Variants in NT5C observed in about 807,000 individuals in gnomAD.
NT5C encodes 5'(3')-deoxyribonucleotidase, cytosolic type.
In NT5C, 14 loss-of-function variants were observed where a neutral mutation model predicts 17.6. The ratio of observed to expected loss-of-function variants is 0.79; its 90% confidence interval spans 0.52 to 1.24. The LOEUF (loss-of-function observed/expected upper bound fraction) is 1.24, where lower values mean the gene tolerates loss of function less well. Ranked by LOEUF, NT5C falls within the 50% of genes most tolerant of loss-of-function variation. The probability of loss-of-function intolerance (pLI) is 0.00; values close to 1 mark genes in which losing one functional copy is unlikely to be tolerated. For missense variants in NT5C, 328 were observed against 278.3 expected (o/e 1.18, Z -1.27); for synonymous variants, 153 against 119.2 (o/e 1.28, Z -1.85).
In NT5C at chr17:75,131,625, C is replaced by T. The variant is rs763024369; in HGVS notation, c.83G>A (p.Arg28His). The change falls in exon 1 of 5, where the codon CGC becomes CAC. Residue 28 changes from arginine to histidine, a missense_variant. Coordinates refer to ENST00000245552, the MANE Select transcript of NT5C (RefSeq NM_014595.3). ...FEAGLLRGFR[R>H]RFPEEPHVPL... is the part of the protein sequence containing the mutation. Reference sequence around the variant, plus strand: ...CACGTGCGGCTCCTCAGGGAAGCGGCGGCGGAAGCCCCGCAGGAGGCCGGC... The same window carrying T: ...CACGTGCGGCTCCTCAGGGAAGCGGTGGCGGAAGCCCCGCAGGAGGCCGGC... 1 of 1,376,122 alleles carries T rather than the reference C, an allele frequency of 7.3e-7. No homozygotes were observed. Among genetic ancestry groups the T allele is most frequent in the Non-Finnish European group, 9.3e-7 (1 of 1,069,618 alleles). 85.2% of individuals were successfully genotyped at this position (1,376,122 alleles called of 1,614,324 possible).
In NT5C at chr17:75,130,595, G is replaced by A; in HGVS notation, c.499C>T (p.His167Tyr). 6.2e-7 allele frequency: 1 copy of A among 1,614,180 alleles called. No homozygotes were observed. The highest frequency in any genetic ancestry group is 8.5e-7 in the Non-Finnish European group (1 of 1,180,042). The change falls in exon 5 of 5, where the codon CAC (histidine) becomes TAC (tyrosine). Residue 167 changes from histidine (H) to tyrosine (Y), a missense_variant. Coordinates refer to ENST00000245552, the MANE Select transcript of NT5C (RefSeq NM_014595.3). ...GGGGGCAGGACCAGGTGCCGATTGT[G>A]GCAGCAGGTGAACAAGATGTGCTCC... Reference protein sequence around the residue: ...SWEHILFTCCHNRHLVLPPTR... With the variant: ...SWEHILFTCCYNRHLVLPPTR...
rs570265066 is a variant in NT5C, at chr17:75,131,093, G to A, written c.288C>T (p.Phe96=). 1 of 1,613,250 alleles carries A rather than the reference G, an allele frequency of 6.2e-7. No individual in the cohort carries two copies. The highest frequency in any genetic ancestry group is 1.1e-5 in the South Asian group (1 of 90,986). ...ACTTCAGCAGGGGGCTGGTGCAGATGAAGACCTGCGTGCTGCGGAGAAGGA... is the reference window on the plus strand; with the variant it reads ...ACTTCAGCAGGGGGCTGGTGCAGATAAAGACCTGCGTGCTGCGGAGAAGGA... ...EMNDLPDTQV[F]ICTSPLLKYH... Residue 96 remains phenylalanine, a synonymous_variant, in exon 3 of 5, where the codon TTC becomes TTT. Transcript: ENST00000245552.
rs2074104735 is a variant in NT5C, at chr17:75,130,753, C to T, written c.451G>A (p.Gly151Ser). 1 of 1,614,054 alleles carries T rather than the reference C, an allele frequency of 6.2e-7. No individual in the cohort carries two copies. The highest frequency in any genetic ancestry group is 8.5e-7 in the Non-Finnish European group (1 of 1,179,994). ...LLIDDKDTVR[G>S]QEETPSWEHI... ...GGCTGCCAAGGATAACGGGTCCAAC[C>T]TCGAACTGTGTCCTTGTCATCAATG... The change falls in exon 4 of 5, where the codon GGC becomes AGC. Residue 151 changes from glycine to serine, a missense_variant and splice_region_variant. Transcript: ENST00000245552.
chr17:75,131,321 G>A, intron 1 of NT5C, 40 bp from the exon 2 acceptor site: 4 of 1,596,388 alleles, frequency 2.5e-6, no homozygotes, highest in Non-Finnish European at 3.4e-6. Context: ...TCCCGTTCCC[G>A]CGAGGACCCG....
chr17:75,131,694 ACGCTCCGCGC>A lies in NT5C; in HGVS notation c.4_13del (p.Ala2CysfsTer83). On this transcript the variant is annotated frameshift_variant, in exon 1 of 5. Coordinates refer to ENST00000245552, the MANE Select transcript of NT5C (RefSeq NM_014595.3). LOFTEE classifies it high-confidence loss of function. ...GCCGTCCATGTCCACCAGCACGCGC[ACGCTCCGCGC>A]CATCGCCGCCGGGCCGGAGCTGCGA... The A allele has an allele frequency of 7.7e-7, 1 of 1,294,130 alleles. No individual in the cohort carries two copies. Among genetic ancestry groups the A allele is most frequent in the South Asian group, 2.4e-5 (1 of 42,428 alleles). 80.2% of individuals were successfully genotyped at this position (1,294,130 alleles called of 1,614,324 possible).
At chr17:75,131,328 C>G in intron 1 of NT5C, 47 bp from the exon 2 acceptor site, 1 of 1,591,478 alleles carries the variant, frequency 6.3e-7, no homozygotes, top group Non-Finnish European at 8.6e-7. Flanking sequence ...CCCGCGAGGA[C>G]CCGCAGGGAG....
At chr17:75,131,396 A>G in intron 1 of NT5C, 115 bp from the exon 2 acceptor site, 1 of 1,395,352 alleles carries the variant, frequency 7.2e-7, no homozygotes, top group Non-Finnish European at 9.7e-7. Flanking sequence ...GGTCAGGGGC[A>G]CGCGCCCAAA....
chr17:75,131,540 G>A lies in NT5C; in HGVS notation c.168C>T (p.Asp56=), dbSNP rs1171653021. 3 of 1,411,058 alleles carry A rather than the reference G, an allele frequency of 2.1e-6. No homozygotes were observed. The highest frequency in any genetic ancestry group is 2.7e-6 in the Non-Finnish European group (3 of 1,091,544). 87.4% of individuals were successfully genotyped at this position (1,411,058 alleles called of 1,614,324 possible). Residue 56 remains aspartate, a synonymous_variant, in exon 1 of 5, where the codon GAC becomes GAT. Coordinates refer to ENST00000245552, the MANE Select transcript of NT5C (RefSeq NM_014595.3). Reference sequence around the variant, plus strand: ...GGGACCCTGCGCCCCCTACCGCCAGGTCGGGCCGCAGGGCGCGGTACTGCT... The same window carrying A: ...GGGACCCTGCGCCCCCTACCGCCAGATCGGGCCGCAGGGCGCGGTACTGCT... ...AREQYRALRP[D]LADKVASVYE...
At chr17:75,131,150 C>CA in intron 2 of NT5C, 31 bp downstream of exon 2, 1 of 1,612,398 alleles carries the variant, frequency 6.2e-7, no homozygotes, top group Non-Finnish European at 8.5e-7. Context: ...GGAGCCCGCC[C>CA]AGGACTCCGC....
chr17:75,130,624 C>G lies in NT5C; in HGVS notation c.470G>C (p.Ser157Thr). The G allele has an allele frequency of 6.2e-7, 1 of 1,602,482 alleles. No homozygotes were observed. The highest frequency in any genetic ancestry group is 8.5e-7 in the Non-Finnish European group (1 of 1,176,296). Residue 157 changes from serine (S) to threonine (T), a missense_variant, in exon 5 of 5, where the codon AGC (serine) becomes ACC (threonine). Ser to Thr is a moderately conservative substitution (Grantham distance 58). Coordinates refer to ENST00000245552, the MANE Select transcript of NT5C (RefSeq NM_014595.3). The part of the protein sequence containing the change: ...DTVRGQEETP[S>T]WEHILFTCCH... ...GCAGGTGAACAAGATGTGCTCCCAGCTTGGGGTCTCCTCCTGGCCTAGGAC... is the reference window on the plus strand; with the variant it reads ...GCAGGTGAACAAGATGTGCTCCCAGGTTGGGGTCTCCTCCTGGCCTAGGAC...
At chr17:75,130,981 G>C in intron 3 of NT5C, 64 bp downstream of exon 3, 1 of 1,601,202 alleles carries the variant, frequency 6.2e-7, no homozygotes, top group Non-Finnish European at 8.5e-7. Flanking sequence ...GGTTTCTGGT[G>C]GTTTCTTTTT....
Position 75,131,052 on chromosome 17 carries a change from C to T in NT5C, c.329G>A (p.Gly110Asp), listed in dbSNP as rs773570627. Residue 110 changes from glycine (G) to aspartate (D), a missense_variant, in exon 3 of 5, where the codon GGT becomes GAT. Physicochemically the swap from Gly to Asp is moderately conservative, Grantham distance 94. Coordinates refer to ENST00000245552, the MANE Select transcript of NT5C (RefSeq NM_014595.3). ...GGGGCGGGGCAGCCACACCTTCTCACCCACACAGTGGTGGTACTTCAGCAG... is the reference window on the plus strand; with the variant it reads ...GGGGCGGGGCAGCCACACCTTCTCATCCACACAGTGGTGGTACTTCAGCAG... ...SPLLKYHHCVGEKYRWVEQHL... is the reference protein window; with the variant it reads ...SPLLKYHHCVDEKYRWVEQHL... 5.6e-6 allele frequency: 9 copies of T among 1,612,418 alleles called. No individual in the cohort carries two copies. The South Asian group carries it at 6.6e-5, about 12-fold the overall frequency.
At chr17:75,130,707 C>T (rs375844156) in intron 4 of NT5C, 46 bp downstream of exon 4, 1 of 1,613,746 alleles carries the variant, frequency 6.2e-7, no homozygotes, top group Non-Finnish European at 8.5e-7. Flanking sequence ...CTCCCTAATC[C>T]GGGCAGGCCA....
intron 3 of NT5C, 83 bp downstream of exon 3, chr17:75,130,962 C>A (rs2074109710): frequency 6.2e-7 from 1 of 1,604,056 alleles, no homozygotes; most frequent in South Asian, 1.1e-5. Context: ...CCCCCACCCC[C>A]ACCTTCTGGG....
In NT5C at chr17:75,130,851, T is replaced by C; in HGVS notation, c.353A>G (p.Gln118Arg). The C allele has an allele frequency of 6.2e-7, 1 of 1,614,164 alleles. No individual in the cohort carries two copies. Among genetic ancestry groups the C allele is most frequent in the Non-Finnish European group, 8.5e-7 (1 of 1,180,026 alleles). Residue 118 changes from glutamine (Q) to arginine (R), a missense_variant, in exon 4 of 5, where the codon CAG (glutamine) becomes CGG (arginine). By Grantham distance (43) the Gln-to-Arg change is conservative. Transcript: ENST00000245552. The stretch of plus-strand genomic sequence containing the variant: ...TTCTACGAACTGGGGCCCCAGGTGC[T>C]GCTCCACCCAGCGGTACTGTGTAGA... Reference protein sequence around the residue: ...CVGEKYRWVEQHLGPQFVERI... With the variant: ...CVGEKYRWVERHLGPQFVERI...
At position 75,131,117 on chromosome 17, in the gene NT5C, G is replaced by C. The variant is rs1215198808; in HGVS notation, c.276-12C>G. ...TGAAGACCTGCGTGCTGCGGAGAAG[G>C]ACGCGGTTACCGCCGGGAGCCAGGA... On this transcript the variant is annotated splice_polypyrimidine_tract_variant and intron_variant, in intron 2 of 4. Transcript: ENST00000245552. 1.9e-6 allele frequency: 3 copies of C among 1,613,116 alleles called. No homozygotes were observed. The East Asian group carries it at 6.7e-5, about 36-fold the overall frequency.
rs1039228459 is a variant in NT5C, at chr17:75,131,037, A to C, written c.336+8T>G. Reference sequence around the variant, plus strand: ...TCCACGTGCGGAGTAGGGGCGGGGCAGCCACACCTTCTCACCCACACAGTG... The same window carrying C: ...TCCACGTGCGGAGTAGGGGCGGGGCCGCCACACCTTCTCACCCACACAGTG... On this transcript the variant is annotated splice_region_variant and intron_variant, in intron 3 of 4. Coordinates refer to ENST00000245552, the MANE Select transcript of NT5C (RefSeq NM_014595.3). 1.1e-5 allele frequency: 17 copies of C among 1,611,520 alleles called. No homozygotes were observed. Among genetic ancestry groups the C allele is most frequent in the Non-Finnish European group, 1.4e-5 (17 of 1,179,114 alleles).
Position 75,131,598 on chromosome 17 carries a change from G to T in NT5C, c.110C>A (p.Pro37Gln), listed in dbSNP as rs761900464. Residue 37 changes from proline to glutamine, a missense_variant, in exon 1 of 5, where the codon CCG (proline) becomes CAG (glutamine). Transcript: ENST00000245552. The stretch of plus-strand genomic sequence containing the variant: ...CAGGAAGCCGCGGCGTTGCTCCAGC[G>T]GCACGTGCGGCTCCTCAGGGAAGCG... Reference protein sequence around the residue: ...RRRFPEEPHVPLEQRRGFLAR... With the variant: ...RRRFPEEPHVQLEQRRGFLAR... 5.0e-6 allele frequency: 7 copies of T among 1,395,992 alleles called. No homozygotes were observed. The highest frequency in any genetic ancestry group is 5.5e-6 in the Non-Finnish European group (6 of 1,081,820). The allele number at this position is 1,395,992 out of a possible 1,614,324, so 86.5% of individuals were successfully genotyped here.
In NT5C at chr17:75,130,332, G is replaced by T; in HGVS notation, c.*156C>A. The stretch of plus-strand genomic sequence containing the variant: ...CCTCTCGGGAGGTACCGGGTGGCTG[G>T]GCCTGGGGCCCGGTAGCACAGCGCT... On this transcript the variant is annotated 3_prime_UTR_variant, in exon 5 of 5. Transcript: ENST00000245552. The T allele has an allele frequency of 1.1e-6, 1 of 923,118 alleles. No individual in the cohort carries two copies. The highest frequency in any genetic ancestry group is 1.6e-6 in the Non-Finnish European group (1 of 611,846). 57.2% of individuals were successfully genotyped at this position (923,118 alleles called of 1,614,324 possible). A position where few individuals can be genotyped will look rare whatever the true frequency, so the allele number is the denominator to read the frequency against.
Sources: gnomAD v4.1 joint callset for allele counts on GRCh38, gnomAD v4.1.1 for gene constraint, MANE v1.5 for transcripts, NCBI Gene and HGNC (gene_info 2026-07-23, HGNC 2026-07-21) for gene names.